The following PRKCA variants were observed in gnomAD, a reference collection of about 807,000 sequenced individuals.
PRKCA encodes the protein protein kinase C alpha type.
PRKCA carries 27 observed loss-of-function variants against 87.0 expected under a neutral mutation model. The ratio of observed to expected loss-of-function variants is 0.31; its 90% CI spans 0.23 to 0.43. The LOEUF is 0.43. PRKCA is among the 20% of genes least tolerant of loss of function. The pLI is 1.00. For synonymous variants in PRKCA, 329 were observed against 311.1 expected, an observed-to-expected ratio of 1.06 and a Z score of -0.61; for missense variants, 518 against 852.3, an observed-to-expected ratio of 0.61 and a Z score of 4.88.
chr17:66,640,910 C>T, intron 3 of PRKCA: 1 of 412,618 alleles, frequency 2.4e-6, no homozygotes, highest in Non-Finnish European at 4.8e-6. Context: ...CCTGTAATCC[C>T]AGCACTTTGG....
chr17:66,778,344 T>G lies in PRKCA; in HGVS notation c.1605+4277T>G, dbSNP rs927158336. 54 of 547,604 alleles carry G rather than the reference T, an allele frequency of 9.9e-5. No individual in the cohort carries two copies. In the African/African-American group the frequency reaches 1.1e-3, roughly 11 times the overall value. The allele number at this position is 547,604 out of a possible 1,614,324, so 33.9% of individuals were successfully genotyped here. On this transcript the variant is annotated intron_variant, in intron 14 of 16. Coordinates refer to ENST00000413366, the MANE Select transcript of PRKCA (RefSeq NM_002737.3). The stretch of plus-strand genomic sequence containing the variant: ...CTGGCTAACACAGTGAAACCCCATC[T>G]CTACTAAAAATGCAAAAAAAAATTA...
chr17:66,735,817 C>T (rs1196458332), intron 10 of PRKCA, among the ~76,000 whole-genome samples, 155 bp downstream of exon 10: 1 of 152,018 alleles, frequency 6.6e-6, no homozygotes, highest in Non-Finnish European at 1.5e-5. Flanking sequence ...TCCCACCTCT[C>T]TCACTGGTAG....
chr17:66,686,975 G>GCT (rs1348042882), intron 5 of PRKCA, 136 bp from the exon 6 acceptor site: 7 of 759,824 alleles, frequency 9.2e-6, no homozygotes, highest in Non-Finnish European at 1.5e-5. Flanking sequence ...GAGTGTTAGA[G>GCT]GCTTTTGGCT....
At chr17:66,520,895 A>G (rs1967138315) in intron 3 of PRKCA, among the ~76,000 whole-genome samples, 3 of 152,208 alleles carry the variant, frequency 2.0e-5, no homozygotes, top group Admixed American at 1.3e-4. Context: ...GAGGTCTGTC[A>G]TTCCTGATTT....
intron 3 of PRKCA, among the ~76,000 whole-genome samples, chr17:66,630,747 T>G (rs1264799899): frequency 6.6e-6 from 1 of 152,202 alleles, no homozygotes; most frequent in East Asian, 1.9e-4. Context: ...GTGGACGGTT[T>G]CATTGGGCAT....
At chr17:66,347,737 A>G (rs1907478388) in intron 2 of PRKCA, among the ~76,000 whole-genome samples, 1 of 152,098 alleles carries the variant, frequency 6.6e-6, no homozygotes, top group Non-Finnish European at 1.5e-5. Context: ...ATTTTCTAAG[A>G]TTGTGTTTTT....
chr17:66,674,097 G>T (rs180828852), intron 5 of PRKCA, among the ~76,000 whole-genome samples: 1 of 152,206 alleles, frequency 6.6e-6, no homozygotes, highest in Non-Finnish European at 1.5e-5. Context: ...AATCCAATGA[G>T]CGCAGATTTT....
chr17:66,779,205 G>A (rs1054855054), intron 14 of PRKCA, among the ~76,000 whole-genome samples: 1 of 152,180 alleles, frequency 6.6e-6, no homozygotes, highest in Non-Finnish European at 1.5e-5. Context: ...CTCTTTAATC[G>A]CAGAGGGCTG....
intron 5 of PRKCA, among the ~76,000 whole-genome samples, chr17:66,678,139 G>A (rs569948155): frequency 3.9e-4 from 60 of 152,318 alleles, no homozygotes; most frequent in African/African-American, 1.4e-3. Flanking sequence ...GGCCCTAAAT[G>A]TGATCACATG....
chr17:66,344,051 G>T (rs1907208511), intron 2 of PRKCA, among the ~76,000 whole-genome samples: 1 of 152,100 alleles, frequency 6.6e-6, no homozygotes, highest in Non-Finnish European at 1.5e-5. Context: ...CTTTCCAGGG[G>T]GGCCTTGGCT....
intron 5 of PRKCA, among the ~76,000 whole-genome samples, chr17:66,658,591 T>A (rs1376427749): frequency 2.6e-5 from 4 of 151,974 alleles, no homozygotes; most frequent in African/African-American, 4.8e-5. Context: ...CAATTCAAGG[T>A]GAGATTTGGG....
At chr17:66,629,650 C>A (rs1970956019) in intron 3 of PRKCA, among the ~76,000 whole-genome samples, 1 of 152,068 alleles carries the variant, frequency 6.6e-6, no homozygotes, top group South Asian at 2.1e-4. Flanking sequence ...TTGGAACTAA[C>A]CAAGTCTGTA....
At chr17:66,687,389 C>A in intron 6 of PRKCA, 122 bp downstream of exon 6, 2 of 1,037,804 alleles carry the variant, frequency 1.9e-6, no homozygotes, top group Non-Finnish European at 1.4e-6. Flanking sequence ...AGTCCTAAGA[C>A]CTCCTCAGGC....
intron 5 of PRKCA, among the ~76,000 whole-genome samples, chr17:66,686,530 A>G (rs946560907): frequency 2.0e-5 from 3 of 152,216 alleles, no homozygotes; most frequent in African/African-American, 7.2e-5. Flanking sequence ...TACTTGAGCC[A>G]CATTCCTTGG....
chr17:66,343,823 A>G (rs1235637018), intron 2 of PRKCA, among the ~76,000 whole-genome samples: 1 of 152,072 alleles, frequency 6.6e-6, no homozygotes, highest in African/African-American at 2.4e-5. Flanking sequence ...GAGGAACTTG[A>G]TGTTTGTTTA....
intron 16 of PRKCA, 38 bp downstream of exon 16, chr17:66,789,017 G>T: frequency 6.2e-7 from 1 of 1,612,816 alleles, no homozygotes; most frequent in Non-Finnish European, 8.5e-7. Flanking sequence ...GGAACCCCAT[G>T]TCCCCAAATT....
At chr17:66,788,530 C>T (rs1434878307) in intron 15 of PRKCA, among the ~76,000 whole-genome samples, 3 of 151,928 alleles carry the variant, frequency 2.0e-5, no homozygotes, top group African/African-American at 7.3e-5. Context: ...ACATGTATAG[C>T]ATGGTGTCTC....
chr17:66,302,739 C>T lies in PRKCA; in HGVS notation c.-113C>T. 1.3e-6 allele frequency: 1 copy of T among 797,090 alleles called. No individual in the cohort carries two copies. 49.4% of individuals were successfully genotyped at this position (797,090 alleles called of 1,614,324 possible). On this transcript the variant is annotated 5_prime_UTR_variant, in exon 1 of 17. Transcript: ENST00000413366. ...CGCCGCGACCTCGGCCACCGGCCCGCGCCCCGCGCCCGGGGTCGCCCCGAG... is the reference window on the plus strand; with the variant it reads ...CGCCGCGACCTCGGCCACCGGCCCGTGCCCCGCGCCCGGGGTCGCCCCGAG...
Position 66,554,880 on chromosome 17 carries a change from C to CTTTTTTTT in PRKCA, c.288+58606_288+58613dup, listed in dbSNP as rs565435672. ...TGTCACCTTAAGTAGATTGTAAATT[C>CTTTTTTTT]TTTTTTTTTTTTTTTTAAAGACAGG... On this transcript the variant is annotated intron_variant, in intron 3 of 16. Transcript: ENST00000413366. 7.0e-3 allele frequency among the ~76,000 whole-genome samples: 974 copies of CTTTTTTTT among 138,390 alleles called. 25 individuals carry two copies. Among genetic ancestry groups the CTTTTTTTT allele is most frequent in the Admixed American group, 0.046 (613 of 13,456 alleles). 90.8% of individuals were successfully genotyped at this position (138,390 alleles called of 152,430 possible). A position where few individuals can be genotyped will look rare whatever the true frequency, so the allele number is the denominator to read the frequency against.
Sources: gnomAD v4.1 joint callset for allele counts (sites outside exome capture counted in the v4.1 genomes callset) on GRCh38, gnomAD v4.1.1 for gene constraint, MANE v1.5 for transcripts, NCBI Gene and HGNC (gene_info 2026-07-23, HGNC 2026-07-21) for gene names.